The following LNPEP variants were observed in gnomAD, a reference collection of about 807,000 sequenced individuals.
LNPEP encodes leucyl-cystinyl aminopeptidase.
A neutral mutation model predicts 120.6 loss-of-function variants in LNPEP; 64 were observed. The ratio of observed to expected loss-of-function variants is 0.53; its 90% confidence interval spans 0.43 to 0.65. The LOEUF is 0.65. Among genes scored for constraint, LNPEP ranks in the 30% least tolerant of loss-of-function variants. The pLI, the probability that LNPEP is intolerant of heterozygous loss-of-function variation, is 0.00. For synonymous variants in LNPEP, 435 were observed against 425.4 expected (o/e 1.02, Z -0.28); for missense variants, 1,057 against 1,200.0 (o/e 0.88, Z 1.76).
intron 13 of LNPEP, among the ~76,000 whole-genome samples, chr5:97,019,268 C>A (rs987036627): frequency 6.6e-6 from 1 of 151,986 alleles, no homozygotes; most frequent in Admixed American, 6.6e-5. Context: ...GAGTTGCATT[C>A]TATTGTTGAA....
intron 11 of LNPEP, among the ~76,000 whole-genome samples, chr5:97,007,285 G>T (rs1026447678): frequency 6.6e-6 from 1 of 152,266 alleles, no homozygotes; most frequent in East Asian, 1.9e-4. Context: ...GTGTAGCTTA[G>T]TGGTAAGAGA....
chr5:97,019,697 T>G (rs1180419374), intron 13 of LNPEP, among the ~76,000 whole-genome samples: 4 of 152,206 alleles, frequency 2.6e-5, no homozygotes, highest in Non-Finnish European at 2.9e-5. Flanking sequence ...TTTAGTAAAC[T>G]CTCAATGAGT....
rs575663244 is a variant in LNPEP at position 97,036,572 on chromosome 5, G to A, written c.*8039G>A. ...TTGTCTGCATCAGGGAAAATGCATG[G>A]GCACACATCCTCCCTCCCTCCCTCT... On this transcript the variant is annotated 3_prime_UTR_variant, in exon 18 of 18. Coordinates refer to ENST00000231368, the MANE Select transcript of LNPEP (RefSeq NM_005575.3). 4 of 152,104 alleles carry A rather than the reference G, an allele frequency of 2.6e-5. No homozygotes were observed. The highest frequency in any genetic ancestry group is 7.2e-5 in the African/African-American group (3 of 41,488). The allele number at this position is 152,104 out of a possible 1,614,324, so 9.4% of individuals were successfully genotyped here.
At chr5:96,964,516 G>A (rs957690240) in intron 1 of LNPEP, among the ~76,000 whole-genome samples, 12 of 151,828 alleles carry the variant, frequency 7.9e-5, no homozygotes, top group Non-Finnish European at 1.5e-4. Context: ...GTTTAAAATA[G>A]GTATAAATAA....
chr5:96,977,941 A>G (rs1247173426), intron 1 of LNPEP, among the ~76,000 whole-genome samples: 1 of 152,196 alleles, frequency 6.6e-6, no homozygotes, highest in Non-Finnish European at 1.5e-5. Flanking sequence ...CTGTGCTTTA[A>G]TATCAGTTTT....
intron 13 of LNPEP, 110 bp downstream of exon 13, chr5:97,015,205 T>C: frequency 8.1e-6 from 5 of 619,524 alleles, no homozygotes; most frequent in Non-Finnish European, 1.0e-5. Flanking sequence ...AATTCCATTT[T>C]CTTCACTTTC....
chr5:97,032,442 T>A lies in LNPEP; in HGVS notation c.*3909T>A, dbSNP rs963129076. 4 of 152,188 alleles carry A rather than the reference T, an allele frequency of 2.6e-5. No individual in the cohort carries two copies. The highest frequency in any genetic ancestry group is 9.7e-5 in the African/African-American group (4 of 41,448). The allele number at this position is 152,188 out of a possible 1,614,324, so 9.4% of individuals were successfully genotyped here. A position where few individuals can be genotyped will look rare whatever the true frequency, so the allele number is the denominator to read the frequency against. On this transcript the variant is annotated 3_prime_UTR_variant, in exon 18 of 18. Coordinates refer to ENST00000231368, the MANE Select transcript of LNPEP (RefSeq NM_005575.3). Reference sequence around the variant, plus strand: ...GACAGCTAATGGAAAAGTTGATCGATTTTTTTCAGTGGTTTTTTTGGGAGT... The same window carrying A: ...GACAGCTAATGGAAAAGTTGATCGAATTTTTTCAGTGGTTTTTTTGGGAGT...
intron 1 of LNPEP, among the ~76,000 whole-genome samples, chr5:96,960,155 C>A (rs1789566413): frequency 1.3e-5 from 2 of 151,954 alleles, no homozygotes; most frequent in African/African-American, 4.8e-5. Flanking sequence ...CCAGGCTGGT[C>A]TCGAACTCCT....
chr5:96,948,393 C>T (rs1226893408), intron 1 of LNPEP, among the ~76,000 whole-genome samples: 4 of 152,224 alleles, frequency 2.6e-5, no homozygotes, highest in African/African-American at 9.6e-5. Flanking sequence ...GTTGGGATTA[C>T]AGGCGTGAGC....
At chr5:96,983,062 T>C (rs192680350) in intron 2 of LNPEP, among the ~76,000 whole-genome samples, 8 of 152,264 alleles carry the variant, frequency 5.3e-5, no homozygotes, top group Non-Finnish European at 4.4e-5. Context: ...AATTTAACTA[T>C]TAAGGACGTT....
At position 97,035,314 on chromosome 5, in the gene LNPEP, A is replaced by T. The variant is rs1791552355; in HGVS notation, c.*6781A>T. ...TATAGGTACCTAATGAAAATCGAGGATCAGTGTATGACAAATCTCCCATCC... is the reference window on the plus strand; with the variant it reads ...TATAGGTACCTAATGAAAATCGAGGTTCAGTGTATGACAAATCTCCCATCC... On this transcript the variant is annotated 3_prime_UTR_variant, in exon 18 of 18. Coordinates refer to ENST00000231368, the MANE Select transcript of LNPEP (RefSeq NM_005575.3). 6.6e-6 allele frequency: 1 copy of T among 152,044 alleles called. No individual in the cohort carries two copies. Among genetic ancestry groups the T allele is most frequent in the Non-Finnish European group, 1.5e-5 (1 of 67,974 alleles). The allele number at this position is 152,044 out of a possible 1,614,324, so 9.4% of individuals were successfully genotyped here. A position where few individuals can be genotyped will look rare whatever the true frequency, so the allele number is the denominator to read the frequency against.
At position 96,985,394 on chromosome 5, in the gene LNPEP, C is replaced by T. The variant is rs182573942; in HGVS notation, c.999+176C>T. Among the ~76,000 whole-genome samples the T allele has an allele frequency of 2.6e-5, 4 of 152,104 alleles. No homozygotes were observed. In the East Asian group the frequency reaches 5.8e-4, roughly 22 times the overall value. ...ATATTGGCATCAGTTGGGAAGTCAC[C>T]TTGAGGAGGACTTGAGGAAAGAGAA... On this transcript the variant is annotated intron_variant, in intron 3 of 17. Transcript: ENST00000231368.
intron 8 of LNPEP, among the ~76,000 whole-genome samples, chr5:96,999,900 A>G (rs1790604412): frequency 1.3e-5 from 2 of 152,072 alleles, no homozygotes; most frequent in Middle Eastern, 3.4e-3. Flanking sequence ...TACGTTTAGC[A>G]GACATATTCT....
In LNPEP at chr5:97,026,899, A is replaced by T. The variant is rs552814789; in HGVS notation, c.2864+142A>T. The T allele has an allele frequency of 5.4e-4, 346 of 642,400 alleles. 8 individuals carry two copies. The South Asian group carries it at 7.2e-3, about 13-fold the overall frequency. The allele number at this position is 642,400 out of a possible 1,614,324, so 39.8% of individuals were successfully genotyped here. A position where few individuals can be genotyped will look rare whatever the true frequency, so the allele number is the denominator to read the frequency against. ...ATGACAGTTTAACTGAAACATCCGG[A>T]AATTTTCACATTTGTTAACATAATT... On this transcript the variant is annotated intron_variant, in intron 16 of 17. Transcript: ENST00000231368.
chr5:97,035,953 G>A lies in LNPEP; in HGVS notation c.*7420G>A, dbSNP rs1256625463. 6.6e-6 allele frequency: 1 copy of A among 152,148 alleles called. No homozygotes were observed. The highest frequency in any genetic ancestry group is 1.5e-5 in the Non-Finnish European group (1 of 68,004). 9.4% of individuals were successfully genotyped at this position (152,148 alleles called of 1,614,324 possible). On this transcript the variant is annotated 3_prime_UTR_variant, in exon 18 of 18. Transcript: ENST00000231368. Reference sequence around the variant, plus strand: ...TTTTGTAAATTCTAGAAAGGCAAGAGGACAATATTGAATAAAGCTGTGTTT... The same window carrying A: ...TTTTGTAAATTCTAGAAAGGCAAGAAGACAATATTGAATAAAGCTGTGTTT...
chr5:96,960,063 C>T (rs1472576664), intron 1 of LNPEP, among the ~76,000 whole-genome samples: 3 of 151,242 alleles, frequency 2.0e-5, no homozygotes, highest in Non-Finnish European at 2.9e-5. Flanking sequence ...CTCAGCCTCC[C>T]GAGTAGCTGG....
At chr5:96,974,233 C>T (rs947855265) in intron 1 of LNPEP, among the ~76,000 whole-genome samples, 1 of 152,108 alleles carries the variant, frequency 6.6e-6, no homozygotes, top group Non-Finnish European at 1.5e-5. Context: ...TCTGCTCAAG[C>T]CCCTATGCCT....
chr5:96,984,982 T>A (rs1283733963), intron 2 of LNPEP, 98 bp from the exon 3 acceptor site: 3 of 1,278,434 alleles, frequency 2.3e-6, no homozygotes, highest in East Asian at 2.3e-5. Context: ...GATCCTTTAG[T>A]AACTAGGATT....
At chr5:96,951,310 G>C (rs1021481419) in intron 1 of LNPEP, among the ~76,000 whole-genome samples, 5 of 152,050 alleles carry the variant, frequency 3.3e-5, no homozygotes, top group East Asian at 1.9e-4. Context: ...CCAGGCTGGA[G>C]TGCAGTGGCG....
Sources: gnomAD v4.1 joint callset for allele counts (sites outside exome capture counted in the v4.1 genomes callset) on GRCh38, gnomAD v4.1.1 for gene constraint, MANE v1.5 for transcripts, NCBI Gene and HGNC (gene_info 2026-07-23, HGNC 2026-07-21) for gene names.